CHD2: variants seen among roughly 807,000 people sequenced by gnomAD.
CHD2 encodes ATP-dependent chromatin remodeler CHD2.
CHD2 carries 28 observed loss-of-function variants against 243.9 expected under a neutral mutation model. That is an observed-to-expected ratio of 0.11 (90% CI 0.09 to 0.16). The LOEUF is 0.16. CHD2 is among the 10% of genes least tolerant of loss of function. CHD2 has a pLI of 1.00. For missense variants in CHD2, 1,386 were observed against 2,209.8 expected, an observed-to-expected ratio of 0.63 and a Z score of 7.47; for synonymous variants, 775 against 779.0, an observed-to-expected ratio of 0.99 and a Z score of 0.09.
intron 26 of CHD2, among the ~76,000 whole-genome samples, 155 bp downstream of exon 26, chr15:92,985,828 A>G (rs534078824): frequency 6.6e-6 from 1 of 152,236 alleles, no homozygotes; most frequent in East Asian, 1.9e-4. Context: ...CTGTAGGATG[A>G]TCCTTCCTTC....
intron 37 of CHD2, among the ~76,000 whole-genome samples, chr15:93,016,763 T>C (rs923701528): frequency 2.7e-5 from 2 of 75,446 alleles, no homozygotes; most frequent in Admixed American, 4.6e-4. Flanking sequence ...GTCTGGGCAA[T>C]AGAGTGAGAC....
rs1371556114 is a variant in CHD2 at position 93,020,069 on chromosome 15, C to T, written c.4964C>T (p.Pro1655Leu). 1.9e-6 allele frequency: 3 copies of T among 1,614,080 alleles called. No individual in the cohort carries two copies. The highest frequency in any genetic ancestry group is 2.5e-6 in the Non-Finnish European group (3 of 1,180,020). ...AACTATGGTGGTGGCAACAACAATC[C>T]ACCATGGGGAAGCGACAGGCACCAT... is the stretch of plus-strand genomic sequence containing the variant. Reference protein sequence around the residue: ...KFNYGGGNNNPPWGSDRHHQY... With the variant: ...KFNYGGGNNNLPWGSDRHHQY... The change falls in exon 38 of 39, where the codon CCA (proline) becomes CTA (leucine). Residue 1655 changes from proline (P) to leucine (L), a missense_variant. Around this residue, in one of 19 missense-constraint regions of CHD2, gnomAD observed 347 missense variants for 341.6 expected, o/e 1.02. Coordinates refer to ENST00000394196, the MANE Select transcript of CHD2 (RefSeq NM_001271.4).
In CHD2 at chr15:92,996,928, T is replaced by C. The variant is rs892111342; in HGVS notation, c.3596-29T>C. On this transcript the variant is annotated intron_variant, in intron 28 of 38. Transcript: ENST00000394196. Reference sequence around the variant, plus strand: ...CTGTGGAACTTCTGCAGATTTTCATTTAACTAATGTGAAACTGGTATTTTT... The same window carrying C: ...CTGTGGAACTTCTGCAGATTTTCATCTAACTAATGTGAAACTGGTATTTTT... 7.6e-6 allele frequency: 12 copies of C among 1,587,466 alleles called. No individual in the cohort carries two copies. The Admixed American group carries it at 2.1e-4, about 27-fold the overall frequency.
chr15:92,974,557 A>G (rs942329648), intron 19 of CHD2, among the ~76,000 whole-genome samples: 2 of 152,134 alleles, frequency 1.3e-5, no homozygotes, highest in Non-Finnish European at 2.9e-5. Context: ...ACCTACAGAA[A>G]CAGAAGTAAA....
chr15:92,967,691 A>G (rs2053784776), intron 17 of CHD2, among the ~76,000 whole-genome samples, 178 bp downstream of exon 17: 4 of 150,888 alleles, frequency 2.7e-5, no homozygotes, highest in African/African-American at 9.8e-5. Flanking sequence ...ACGCCCAGCT[A>G]ATTTTTTTTG....
intron 18 of CHD2, 64 bp downstream of exon 18, chr15:92,971,991 C>A: frequency 6.7e-7 from 1 of 1,494,502 alleles, no homozygotes; most frequent in Non-Finnish European, 9.1e-7. Flanking sequence ...TGCTTTTCAT[C>A]AGAATGCTCT....
At chr15:92,956,681 C>T (rs765226297) in intron 16 of CHD2, 32 bp downstream of exon 16, 56 of 1,560,764 alleles carry the variant, frequency 3.6e-5, no homozygotes, top group Non-Finnish European at 4.9e-5. Context: ...TCAAAAGATG[C>T]TAGAATGTCT....
chr15:92,924,922 A>G (rs910869244), intron 3 of CHD2, among the ~76,000 whole-genome samples: 3 of 151,936 alleles, frequency 2.0e-5, no homozygotes, highest in Non-Finnish European at 2.9e-5. Context: ...TGCCTCAGTC[A>G]CCCAAGTAGT....
In CHD2 at chr15:93,002,184, G is replaced by T. The variant is rs571992456; in HGVS notation, c.4145G>T (p.Gly1382Val). 21 of 1,586,586 alleles carry T rather than the reference G, an allele frequency of 1.3e-5. 1 individual carries two copies. The South Asian group carries it at 2.5e-4, about 19-fold the overall frequency. ...CCCTGTTTTGTTTCCTAGGATGATG[G>T]CTTGGAAAAAAGTCCAATGAAAAAA... ...PSEEGEVKDDGLEKSPMKKKQ... is the reference protein window; with the variant it reads ...PSEEGEVKDDVLEKSPMKKKQ... The change falls in exon 33 of 39, where the codon GGC becomes GTC. Residue 1382 changes from glycine to valine, a missense_variant. Gly to Val is a moderately radical substitution (Grantham distance 109). This residue lies in a region of CHD2 where 125 missense variants were observed against 128.9 expected (regional missense o/e 0.97). Coordinates refer to ENST00000394196, the MANE Select transcript of CHD2 (RefSeq NM_001271.4).
chr15:93,018,838 T>C (rs1000117273), intron 37 of CHD2, among the ~76,000 whole-genome samples: 2 of 152,232 alleles, frequency 1.3e-5, no homozygotes, highest in Admixed American at 1.3e-4. Context: ...TCCTGGAATT[T>C]GTAGCCCAAC....
intron 2 of CHD2, among the ~76,000 whole-genome samples, chr15:92,918,470 AT>A (rs1467521561): frequency 6.6e-6 from 1 of 152,168 alleles, no homozygotes. Flanking sequence ...GATTCTGTAT[AT>A]ATGTTGGATA....
intron 20 of CHD2, among the ~76,000 whole-genome samples, chr15:92,976,473 T>C (rs1322332505): frequency 6.6e-6 from 1 of 152,040 alleles, no homozygotes; most frequent in Admixed American, 6.6e-5. Context: ...TTTATATGTT[T>C]ACCTAATTCG....
intron 6 of CHD2, among the ~76,000 whole-genome samples, chr15:92,937,934 A>G (rs2053293296): frequency 6.6e-6 from 1 of 152,242 alleles, no homozygotes; most frequent in Non-Finnish European, 1.5e-5. Context: ...CTTAAAGCAT[A>G]CTTGAGTGGT....
chr15:92,951,807 T>G (rs1284021910), intron 13 of CHD2, among the ~76,000 whole-genome samples: 1 of 152,342 alleles, frequency 6.6e-6, no homozygotes, highest in East Asian at 1.9e-4. Flanking sequence ...GGGGTATGGC[T>G]TCATCATTCT....
chr15:93,011,062 C>A (rs1325454161), intron 35 of CHD2, among the ~76,000 whole-genome samples: 1 of 151,646 alleles, frequency 6.6e-6, no homozygotes, highest in Admixed American at 6.6e-5. Context: ...CTTTACCTAG[C>A]GGCATCTGGC....
At position 92,946,141 on chromosome 15, in the gene CHD2, A is replaced by G. The variant is rs765523530; in HGVS notation, c.1302A>G (p.Gly434=). Residue 434 remains glycine, a synonymous_variant, in exon 12 of 39, where the codon GGA becomes GGG. Coordinates refer to ENST00000394196, the MANE Select transcript of CHD2 (RefSeq NM_001271.4). ...GCTGGGAAGATGAAGCCCTCATTGG[A>G]AAGAAATTCCAGAATTGCATTGACA... ...ECSWEDEALI[G]KKFQNCIDSF... The G allele has an allele frequency of 6.2e-7, 1 of 1,613,860 alleles. No homozygotes were observed. The highest frequency in any genetic ancestry group is 1.7e-5 in the Admixed American group (1 of 60,024).
chr15:92,955,380 G>C (rs2053606108), intron 14 of CHD2, 43 bp from the exon 15 acceptor site: 1 of 1,223,028 alleles, frequency 8.2e-7, no homozygotes, highest in East Asian at 2.6e-5. Flanking sequence ...ATATAGAAAG[G>C]TAGAAGTAGA....
chr15:93,004,402 G>A, intron 33 of CHD2: 1 of 408,526 alleles, frequency 2.4e-6, no homozygotes, highest in Non-Finnish European at 4.3e-6. Flanking sequence ...TTATAATTGG[G>A]TACATTTAGA....
intron 13 of CHD2, among the ~76,000 whole-genome samples, chr15:92,951,550 ATG>A (rs1467560050): frequency 1.4e-4 from 22 of 152,344 alleles, no homozygotes; most frequent in South Asian, 6.2e-4. Context: ...GGTCACAGGA[ATG>A]TTACTACATT....
Sources: gnomAD v4.1 joint callset for allele counts (sites outside exome capture counted in the v4.1 genomes callset) on GRCh38, gnomAD v4.1.1 for gene constraint, gnomAD v4.1.1 regional missense constraint, MANE v1.5 for transcripts, NCBI Gene and HGNC (gene_info 2026-07-23, HGNC 2026-07-21) for gene names.